EPHA3: variants seen among roughly 807,000 people sequenced by gnomAD.
EPHA3 encodes the protein EPH receptor A3, also known as ephrin type-A receptor 3.
Under a neutral mutation model 107.1 loss-of-function variants are expected in EPHA3, and 42 were observed. The ratio of observed to expected loss-of-function variants is 0.39; its 90% CI spans 0.31 to 0.51. The LOEUF (loss-of-function observed/expected upper bound fraction) is 0.51. EPHA3 is among the 20% of genes least tolerant of loss of function. EPHA3 has a pLI of 0.78. For missense variants in EPHA3, 1,183 were observed against 1,211.2 expected (o/e 0.98, Z 0.35); for synonymous variants, 461 against 424.8 (o/e 1.09, Z -1.05).
chr3:89,324,469 G>T (rs1307520306), intron 3 of EPHA3, among the ~76,000 whole-genome samples: 1 of 151,774 alleles, frequency 6.6e-6, no homozygotes. Context: ...TTAAAGACAT[G>T]ACCCACAGCT....
chr3:89,236,182 T>C (rs1375308182), intron 3 of EPHA3, among the ~76,000 whole-genome samples: 3 of 152,062 alleles, frequency 2.0e-5, no homozygotes, highest in Non-Finnish European at 4.4e-5. Flanking sequence ...TAGGAATCTG[T>C]TTGACATTAT....
intron 3 of EPHA3, among the ~76,000 whole-genome samples, chr3:89,323,541 T>A (rs1559647192): frequency 6.6e-6 from 1 of 152,134 alleles, no homozygotes; most frequent in Non-Finnish European, 1.5e-5. Context: ...GTTGGTATGA[T>A]CATAATTTTT....
intron 11 of EPHA3, among the ~76,000 whole-genome samples, chr3:89,425,058 T>A (rs1379694502): frequency 6.6e-6 from 1 of 151,374 alleles, no homozygotes; most frequent in Non-Finnish European, 1.5e-5. Context: ...TGGTAGGTGT[T>A]GGATTTAGAA....
intron 5 of EPHA3, among the ~76,000 whole-genome samples, chr3:89,394,490 A>C (rs2107502462): frequency 6.6e-6 from 1 of 152,308 alleles, no homozygotes; most frequent in African/African-American, 2.4e-5. Context: ...CAAATAATAA[A>C]ACCCAGTTGA....
intron 1 of EPHA3, among the ~76,000 whole-genome samples, chr3:89,123,668 G>T (rs1458614171): frequency 6.6e-6 from 1 of 152,028 alleles, no homozygotes; most frequent in Admixed American, 6.6e-5. Flanking sequence ...GAAAAACCTA[G>T]AACCATATCC....
Position 89,209,897 on chromosome 3 carries a change from C to A in EPHA3, c.191C>A (p.Pro64His). The A allele has an allele frequency of 6.2e-7, 1 of 1,611,310 alleles. No individual in the cohort carries two copies. The stretch of plus-strand genomic sequence containing the variant: ...AGTGGTGTGGATGAACATTACACAC[C>A]CATCAGGACTTACCAGGTGTGCAAT... ...EISGVDEHYT[P>H]IRTYQVCNVM... The change falls in exon 3 of 17, where the codon CCC (proline) becomes CAC (histidine). Residue 64 changes from proline (P) to histidine (H), a missense_variant. Pro to His is a moderately conservative substitution (Grantham distance 77). Coordinates refer to ENST00000336596, the MANE Select transcript of EPHA3 (RefSeq NM_005233.6).
chr3:89,335,987 A>G (rs556037958), intron 3 of EPHA3, among the ~76,000 whole-genome samples: 1 of 152,330 alleles, frequency 6.6e-6, no homozygotes, highest in Admixed American at 6.5e-5. Context: ...GGTCTCCACT[A>G]CAGACAACCT....
intron 3 of EPHA3, among the ~76,000 whole-genome samples, chr3:89,295,603 T>C (rs1318348636): frequency 3.9e-5 from 6 of 152,150 alleles, no homozygotes; most frequent in African/African-American, 1.2e-4. Flanking sequence ...TTTCCTATAT[T>C]TTGAGACAGA....
chr3:89,301,878 G>A (rs540226516), intron 3 of EPHA3, among the ~76,000 whole-genome samples: 16 of 152,134 alleles, frequency 1.1e-4, no homozygotes, highest in Admixed American at 6.6e-4. Context: ...AGAAAAAATG[G>A]CAGGGACATA....
At chr3:89,242,684 GC>G (rs1300350113) in intron 3 of EPHA3, among the ~76,000 whole-genome samples, 1 of 152,094 alleles carries the variant, frequency 6.6e-6, no homozygotes, top group African/African-American at 2.4e-5. Context: ...TGATCTGCCT[GC>G]CTCAGCCTCC....
At chr3:89,425,193 T>A (rs1709431110) in intron 11 of EPHA3, among the ~76,000 whole-genome samples, 1 of 151,186 alleles carries the variant, frequency 6.6e-6, no homozygotes, top group South Asian at 2.1e-4. Flanking sequence ...TTTATAATGA[T>A]TTAATAAGAA....
In EPHA3 at chr3:89,366,475, G is replaced by A. The variant is rs79183341; in HGVS notation, c.1306+24385G>A. 4.6e-3 allele frequency among the ~76,000 whole-genome samples: 698 copies of A among 150,832 alleles called. 20 individuals are homozygous for A. Among genetic ancestry groups the A allele is most frequent in the Middle Eastern group, 0.017 (5 of 292 alleles). On this transcript the variant is annotated intron_variant, in intron 5 of 16. Transcript: ENST00000336596. ...AAGGCAAAAAACAGGTATTCTATGC[G>A]GGTGGTTGTACAAAGTAAGCAATTG... is the stretch of plus-strand genomic sequence containing the variant.
intron 2 of EPHA3, among the ~76,000 whole-genome samples, chr3:89,141,910 T>A (rs1487243200): frequency 1.3e-5 from 2 of 151,354 alleles, no homozygotes; most frequent in Admixed American, 1.3e-4. Flanking sequence ...TGCTGGAAAT[T>A]TAGAAGATAG....
At chr3:89,328,769 G>A (rs1707227314) in intron 3 of EPHA3, among the ~76,000 whole-genome samples, 1 of 152,092 alleles carries the variant, frequency 6.6e-6, no homozygotes, top group African/African-American at 2.4e-5. Flanking sequence ...GATAATACCA[G>A]TCTCACATAA....
At position 89,408,821 on chromosome 3, in the gene EPHA3, A is replaced by G. The variant is rs543870121; in HGVS notation, c.1762+690A>G. Among the ~76,000 whole-genome samples the G allele has an allele frequency of 1.4e-3, 212 of 152,206 alleles. 1 individual carries two copies. Among genetic ancestry groups the G allele is most frequent in the Non-Finnish European group, 2.2e-3 (152 of 67,976 alleles). ...ATTACTAATCAGTAGCTTAAATAGC[A>G]TGTTCTCATGGAAATTAGTACAAAG... On this transcript the variant is annotated intron_variant, in intron 9 of 16. Coordinates refer to ENST00000336596, the MANE Select transcript of EPHA3 (RefSeq NM_005233.6).
intron 3 of EPHA3, among the ~76,000 whole-genome samples, chr3:89,275,549 T>C (rs1030131280): frequency 3.3e-5 from 5 of 152,060 alleles, no homozygotes; most frequent in African/African-American, 1.2e-4. Flanking sequence ...GAGGTTCAAA[T>C]GAGATATTGT....
chr3:89,450,338 C>A lies in EPHA3; in HGVS notation c.2658C>A (p.Gly886=). Reference sequence around the variant, plus strand: ...TGGACAAGCTTATCCGGAATCCCGGCAGCCTGAAGATCATCACCAGTGCAG... The same window carrying A: ...TGGACAAGCTTATCCGGAATCCCGGAAGCCTGAAGATCATCACCAGTGCAG... ...SILDKLIRNP[G]SLKIITSAAA... is the part of the protein sequence containing the mutation. The change falls in exon 15 of 17, where the codon GGC becomes GGA. Residue 886 remains glycine, a synonymous_variant. Coordinates refer to ENST00000336596, the MANE Select transcript of EPHA3 (RefSeq NM_005233.6). 6.2e-7 allele frequency: 1 copy of A among 1,613,566 alleles called. No individual in the cohort carries two copies. The highest frequency in any genetic ancestry group is 8.5e-7 in the Non-Finnish European group (1 of 1,179,728).
rs1234568158 is a variant in EPHA3 at position 89,341,968 on chromosome 3, C to A, written c.1184C>A (p.Thr395Lys). Residue 395 changes from threonine (T) to lysine (K), a missense_variant, in exon 5 of 17, where the codon ACA becomes AAA. By Grantham distance (78) the Thr-to-Lys change is moderately conservative (BLOSUM62 -1). Transcript: ENST00000336596. Reference protein sequence around the residue: ...RQFGLTNTTVTVTDLLAHTNY... With the variant: ...RQFGLTNTTVKVTDLLAHTNY... ...TTTGGACTCACCAACACCACGGTGA[C>A]AGTGACAGACCTTCTGGCACATACT... The A allele has an allele frequency of 2.5e-6, 4 of 1,613,290 alleles. No homozygotes were observed. Among genetic ancestry groups the A allele is most frequent in the South Asian group, 1.1e-5 (1 of 90,990 alleles).
chr3:89,407,525 T>C (rs1018489617), intron 8 of EPHA3, among the ~76,000 whole-genome samples, 154 bp downstream of exon 8: 9 of 152,110 alleles, frequency 5.9e-5, no homozygotes, highest in African/African-American at 2.2e-4. Context: ...CTCCTCCTTT[T>C]CTTTGTTTCT....
Sources: gnomAD v4.1 joint callset for allele counts (sites outside exome capture counted in the v4.1 genomes callset) on GRCh38, gnomAD v4.1.1 for gene constraint, MANE v1.5 for transcripts, NCBI Gene and HGNC (gene_info 2026-07-23, HGNC 2026-07-21) for gene names.